The following MYO3B variants were observed in gnomAD, a reference collection of about 807,000 sequenced individuals.
MYO3B encodes myosin IIIB, also known as myosin-IIIb.
Under a neutral mutation model 174.6 loss-of-function variants are expected in MYO3B, and 156 were observed. The ratio of observed to expected loss-of-function variants is 0.89; its 90% CI spans 0.78 to 1.02. The LOEUF (loss-of-function observed/expected upper bound fraction) is 1.02. Ranked by LOEUF, MYO3B falls within the 50% of genes least tolerant of loss-of-function variation. The pLI is 0.00. For missense variants in MYO3B, 1,632 were observed against 1,639.4 expected (o/e 1.00, Z 0.08); for synonymous variants, 563 against 569.1 (o/e 0.99, Z 0.15).
At chr2:170,579,448 C>A (rs912515029) in intron 32 of MYO3B, among the ~76,000 whole-genome samples, 2 of 152,152 alleles carry the variant, frequency 1.3e-5, no homozygotes, top group African/African-American at 4.8e-5. Context: ...TCTGTTGCAA[C>A]CCCCACCATT....
At chr2:170,439,976 G>A (rs943797319) in intron 22 of MYO3B, among the ~76,000 whole-genome samples, 1 of 152,124 alleles carries the variant, frequency 6.6e-6, no homozygotes, top group Non-Finnish European at 1.5e-5. Flanking sequence ...CACCATGCCT[G>A]GCTATAGTTT....
chr2:170,267,321 A>G (rs548583807), intron 7 of MYO3B, among the ~76,000 whole-genome samples: 1 of 152,322 alleles, frequency 6.6e-6, no homozygotes, highest in East Asian at 1.9e-4. Context: ...GGACTGCACA[A>G]GAGTGGCTTC....
Position 170,236,938 on chromosome 2 carries a change from C to T in MYO3B, c.749+802C>T, listed in dbSNP as rs373131159. Among the ~76,000 whole-genome samples the T allele has an allele frequency of 2.6e-5, 4 of 152,366 alleles. No homozygotes were observed. In the South Asian group the frequency reaches 8.3e-4, roughly 32 times the overall value. ...TATCTGCACAATCACACAGCTATCA[C>T]AGCCTTTAAAAATTTCTCCTGATTG... On this transcript the variant is annotated intron_variant, in intron 7 of 34. Transcript: ENST00000408978.
At chr2:170,523,745 A>T (rs1030548055) in intron 30 of MYO3B, among the ~76,000 whole-genome samples, 1 of 152,158 alleles carries the variant, frequency 6.6e-6, no homozygotes, top group Non-Finnish European at 1.5e-5. Flanking sequence ...ACTTCTTTAC[A>T]TGCCAATGTC....
intron 7 of MYO3B, among the ~76,000 whole-genome samples, chr2:170,240,466 G>T (rs1270068045): frequency 6.6e-6 from 1 of 152,202 alleles, no homozygotes; most frequent in Non-Finnish European, 1.5e-5. Flanking sequence ...ACTCAAGGAT[G>T]TTAGGCAGGC....
At chr2:170,189,967 G>T (rs958352193) in intron 1 of MYO3B, among the ~76,000 whole-genome samples, 1 of 152,108 alleles carries the variant, frequency 6.6e-6, no homozygotes, top group African/African-American at 2.4e-5. Flanking sequence ...GTTTGTACTT[G>T]TCTTTTTAGG....
intron 6 of MYO3B, among the ~76,000 whole-genome samples, chr2:170,221,581 A>G (rs2092901377): frequency 6.6e-6 from 1 of 152,226 alleles, no homozygotes. Context: ...GGACACTACT[A>G]AAGTTGAAAG....
intron 27 of MYO3B, among the ~76,000 whole-genome samples, chr2:170,500,935 C>T (rs1415772038): frequency 6.6e-6 from 1 of 152,130 alleles, no homozygotes; most frequent in African/African-American, 2.4e-5. Flanking sequence ...AGTTCCTGTG[C>T]AATAGACAAA....
intron 32 of MYO3B, among the ~76,000 whole-genome samples, chr2:170,616,995 A>G (rs1411040269): frequency 6.6e-6 from 1 of 152,220 alleles, no homozygotes; most frequent in Non-Finnish European, 1.5e-5. Flanking sequence ...TAAACTCATA[A>G]TTCTACCTCC....
At chr2:170,581,840 T>C (rs1693170083) in intron 32 of MYO3B, among the ~76,000 whole-genome samples, 2 of 152,224 alleles carry the variant, frequency 1.3e-5, no homozygotes, top group African/African-American at 2.4e-5. Context: ...TGATGGCATA[T>C]GTTAATAAGC....
chr2:170,288,234 G>GTTTTTTTT (rs35232763), intron 7 of MYO3B, among the ~76,000 whole-genome samples: 1 of 146,856 alleles, frequency 6.8e-6, no homozygotes. Flanking sequence ...TAAATTTTAG[G>GTTTTTTTT]TTTTTTTTTT....
chr2:170,492,421 C>T (rs1575067930), intron 25 of MYO3B, among the ~76,000 whole-genome samples: 1 of 152,198 alleles, frequency 6.6e-6, no homozygotes, highest in East Asian at 1.9e-4. Context: ...TAGCTCTCGA[C>T]ATGTGGTAGT....
At chr2:170,231,167 G>A (rs1001090907) in intron 6 of MYO3B, among the ~76,000 whole-genome samples, 2 of 152,246 alleles carry the variant, frequency 1.3e-5, no homozygotes, top group Admixed American at 1.3e-4. Flanking sequence ...TCCCGCAGGA[G>A]AGGGGAGGTG....
At chr2:170,180,231 T>C (rs749757231) in intron 1 of MYO3B, 3 of 414,004 alleles carry the variant, frequency 7.2e-6, no homozygotes, top group African/African-American at 2.0e-5. Flanking sequence ...CAACAAGGGA[T>C]CAGACTAGAC....
chr2:170,345,140 A>G (rs1318382765), intron 8 of MYO3B: 4 of 152,206 alleles, frequency 2.6e-5, no homozygotes, highest in Admixed American at 2.6e-4. Context: ...GCTCTGGGTC[A>G]GTTAGAATTT....
intron 22 of MYO3B, among the ~76,000 whole-genome samples, chr2:170,425,370 C>T (rs1485898390): frequency 6.6e-6 from 1 of 152,108 alleles, no homozygotes; most frequent in East Asian, 1.9e-4. Flanking sequence ...TGTGGAGTAA[C>T]AATTGTGAAC....
At chr2:170,516,214 G>T (rs192067335) in intron 29 of MYO3B, among the ~76,000 whole-genome samples, 1 of 152,002 alleles carries the variant, frequency 6.6e-6, no homozygotes, top group Non-Finnish European at 1.5e-5. Flanking sequence ...CATCCTCTTT[G>T]CCTGATACTT....
chr2:170,388,791 G>C (rs1283773078), intron 14 of MYO3B, among the ~76,000 whole-genome samples: 1 of 152,178 alleles, frequency 6.6e-6, no homozygotes, highest in African/African-American at 2.4e-5. Context: ...AGAATTTACA[G>C]GAATTGTTCT....
At chr2:170,355,675 A>C (rs1329407953) in intron 8 of MYO3B, among the ~76,000 whole-genome samples, 1 of 152,162 alleles carries the variant, frequency 6.6e-6, no homozygotes, top group South Asian at 2.1e-4. Flanking sequence ...CTTTTGATTC[A>C]TGGGCTCAAC....
Sources: gnomAD v4.1 joint callset for allele counts (sites outside exome capture counted in the v4.1 genomes callset) on GRCh38, gnomAD v4.1.1 for gene constraint, MANE v1.5 for transcripts, NCBI Gene and HGNC (gene_info 2026-07-23, HGNC 2026-07-21) for gene names.